Variants in AFM observed in about 807,000 individuals in gnomAD.
The protein encoded by AFM is alpha-Alb.
Under a neutral mutation model 68.7 loss-of-function variants are expected in AFM, and 82 were observed. That is an observed-to-expected ratio of 1.19 (90% CI 1.00 to 1.43). The LOEUF (loss-of-function observed/expected upper bound fraction) is 1.43. Ranked by LOEUF, AFM falls within the 40% of genes most tolerant of loss-of-function variation. The pLI is 0.00. For synonymous variants in AFM, 250 were observed against 234.2 expected (o/e 1.07, Z -0.61); for missense variants, 772 against 701.8 (o/e 1.10, Z -1.13).
intron 5 of AFM, 63 bp from the exon 6 acceptor site, chr4:73,487,661 A>C: frequency 8.7e-7 from 1 of 1,154,524 alleles, no homozygotes; most frequent in Non-Finnish European, 1.3e-6. Flanking sequence ...AAATATGACT[A>C]AAAAATAAGA....
At position 73,499,123 on chromosome 4, in the gene AFM, C is replaced by T. The variant is rs1360739581; in HGVS notation, c.1299C>T (p.Ile433=). The stretch of plus-strand genomic sequence containing the variant: ...ACAAATGTTCTTTCAGTTACCTCAT[C>T]AGGCTCACGAAGATAGCTCCCCAAC... The part of the protein sequence containing the change: ...GKDGLKYHYL[I]RLTKIAPQLS... The change falls in exon 11 of 15, where the codon ATC becomes ATT. Residue 433 remains isoleucine (I), a synonymous_variant. Coordinates refer to ENST00000226355, the MANE Select transcript of AFM (RefSeq NM_001133.2). The T allele has an allele frequency of 1.2e-6, 2 of 1,611,450 alleles. No individual in the cohort carries two copies. The highest frequency in any genetic ancestry group is 1.1e-5 in the South Asian group (1 of 90,514).
At chr4:73,495,483 A>G (rs1348116569) in intron 9 of AFM, 51 bp downstream of exon 9, 1 of 1,584,476 alleles carries the variant, frequency 6.3e-7, no homozygotes, top group Non-Finnish European at 8.5e-7. Context: ...CAACTAGAAA[A>G]CACTTAAAAA....
In AFM at chr4:73,484,007, CT is replaced by C. The variant is rs775053615; in HGVS notation, c.137+23del. ...GAATACATGTGAGTTGTGCTAAATA[CT>C]TTTTGATGATGATTTTTAAAATGAT... On this transcript the variant is annotated intron_variant, in intron 2 of 14. Coordinates refer to ENST00000226355, the MANE Select transcript of AFM (RefSeq NM_001133.2). The C allele has an allele frequency of 6.7e-7, 1 of 1,498,114 alleles. No homozygotes were observed. The highest frequency in any genetic ancestry group is 1.3e-5 in the South Asian group (1 of 79,588). 92.8% of individuals were successfully genotyped at this position (1,498,114 alleles called of 1,614,324 possible).
In AFM at chr4:73,485,765, G is replaced by C. The variant is rs992338036; in HGVS notation, c.271-97G>C. On this transcript the variant is annotated intron_variant, in intron 3 of 14. Transcript: ENST00000226355. Reference sequence around the variant, plus strand: ...AGGAGAAAGAGAAGGAGCTCTGTTGGTAATGGTGGGAAAATTAGTCATTGT... The same window carrying C: ...AGGAGAAAGAGAAGGAGCTCTGTTGCTAATGGTGGGAAAATTAGTCATTGT... 9.6e-5 allele frequency: 88 copies of C among 920,294 alleles called. 1 individual carries two copies. Among genetic ancestry groups the C allele is most frequent in the South Asian group, 8.3e-4 (52 of 63,002 alleles). 57.0% of individuals were successfully genotyped at this position (920,294 alleles called of 1,614,324 possible).
chr4:73,495,922 C>T (rs1447724618), intron 9 of AFM, among the ~76,000 whole-genome samples: 1 of 152,144 alleles, frequency 6.6e-6, no homozygotes, highest in East Asian at 1.9e-4. Context: ...CATTTGTGTT[C>T]AACTCTTCAG....
chr4:73,502,967 T>A, intron 13 of AFM, 83 bp from the exon 14 acceptor site: 2 of 1,279,692 alleles, frequency 1.6e-6, no homozygotes, highest in Non-Finnish European at 2.3e-6. Flanking sequence ...TCTTCAAAAT[T>A]CAGGAAAACA....
At chr4:73,493,035 A>G (rs1721123034) in intron 8 of AFM, among the ~76,000 whole-genome samples, 1 of 152,160 alleles carries the variant, frequency 6.6e-6, no homozygotes, top group Non-Finnish European at 1.5e-5. Context: ...AGAAATGGTC[A>G]GTTGTATATA....
intron 11 of AFM, 58 bp from the exon 12 acceptor site, chr4:73,499,946 T>G: frequency 7.0e-7 from 1 of 1,438,116 alleles, no homozygotes; most frequent in Non-Finnish European, 9.8e-7. Context: ...AACCATATTT[T>G]TAGAAATTCC....
At chr4:73,481,916 T>A (rs997031070) in intron 1 of AFM, 53 bp downstream of exon 1, 2 of 1,308,962 alleles carry the variant, frequency 1.5e-6, no homozygotes, top group African/African-American at 3.0e-5. Flanking sequence ...GGATAATTTC[T>A]ATTTTTAAAA....
At chr4:73,494,576 T>C (rs1181444882) in intron 8 of AFM, among the ~76,000 whole-genome samples, 1 of 152,208 alleles carries the variant, frequency 6.6e-6, no homozygotes, top group Non-Finnish European at 1.5e-5. Flanking sequence ...GTTTCCTCAG[T>C]TGTAAAACAG....
At chr4:73,484,094 G>A (rs1162556108) in intron 2 of AFM, 105 bp downstream of exon 2, 1 of 1,357,724 alleles carries the variant, frequency 7.4e-7, no homozygotes, top group African/African-American at 1.5e-5. Flanking sequence ...CCATATCCAA[G>A]AAGACAACTT....
At chr4:73,499,929 T>A (rs1721380030) in intron 11 of AFM, 75 bp from the exon 12 acceptor site, 1 of 1,212,032 alleles carries the variant, frequency 8.3e-7, no homozygotes, top group African/African-American at 1.5e-5. Flanking sequence ...GATCTAAGTA[T>A]TCATCTAACC....
chr4:73,486,705 G>A (rs1720910675), intron 4 of AFM, among the ~76,000 whole-genome samples: 1 of 152,126 alleles, frequency 6.6e-6, no homozygotes, highest in Non-Finnish European at 1.5e-5. Flanking sequence ...TCCTACTTTG[G>A]AGTTAGCAAC....
At chr4:73,484,725 T>C (rs1720843314) in intron 3 of AFM, among the ~76,000 whole-genome samples, 1 of 151,786 alleles carries the variant, frequency 6.6e-6, no homozygotes, top group Admixed American at 6.6e-5. Flanking sequence ...TTAGTAGAGA[T>C]GAGGTTTTGC....
intron 10 of AFM, among the ~76,000 whole-genome samples, chr4:73,498,129 T>C (rs1311760523): frequency 1.3e-5 from 2 of 152,206 alleles, no homozygotes; most frequent in Non-Finnish European, 2.9e-5. Context: ...CTTACGGCTA[T>C]CTTACCTGAG....
At chr4:73,483,280 T>G (rs1167200644) in intron 1 of AFM, among the ~76,000 whole-genome samples, 3 of 152,318 alleles carry the variant, frequency 2.0e-5, no homozygotes, top group Admixed American at 2.0e-4. Context: ...AATTAGATTA[T>G]TGTCACATGC....
chr4:73,492,945 A>G (rs1032211225), intron 8 of AFM, among the ~76,000 whole-genome samples: 5 of 152,072 alleles, frequency 3.3e-5, no homozygotes, highest in Non-Finnish European at 7.4e-5. Context: ...GAGAAGAGAC[A>G]AACATAAATA....
intron 1 of AFM, 27 bp from the exon 2 acceptor site, chr4:73,483,914 A>C: frequency 6.7e-7 from 1 of 1,494,484 alleles, no homozygotes. Context: ...CATGCTATGT[A>C]ATAACCTAAA....
chr4:73,484,945 C>T (rs946965101), intron 3 of AFM, among the ~76,000 whole-genome samples: 2 of 152,126 alleles, frequency 1.3e-5, no homozygotes, highest in Admixed American at 1.3e-4. Flanking sequence ...TTTCATTTTG[C>T]TTAATTTTGG....
Sources: allele counts gnomAD v4.1 joint callset (sites outside exome capture counted in the v4.1 genomes callset), GRCh38; gene constraint gnomAD v4.1.1; transcripts MANE v1.5; gene names NCBI Gene and HGNC (gene_info 2026-07-23, HGNC 2026-07-21).